Variants in SMC5 observed in about 807,000 individuals in gnomAD.
SMC5 encodes the protein structural maintenance of chromosomes 5.
In SMC5, 88 loss-of-function variants were observed where a neutral mutation model predicts 148.3. That is an observed-to-expected ratio of 0.59 (90% CI 0.50 to 0.71). The LOEUF is 0.71. Ranked by LOEUF, SMC5 falls within the 30% of genes least tolerant of loss-of-function variation. The pLI is 0.00. For synonymous variants in SMC5, 421 were observed against 432.8 expected, an observed-to-expected ratio of 0.97 and a Z score of 0.34; for missense variants, 1,142 against 1,298.9, an observed-to-expected ratio of 0.88 and a Z score of 1.86.
chr9:70,320,456 T>C (rs987195923), intron 15 of SMC5, among the ~76,000 whole-genome samples: 1 of 152,220 alleles, frequency 6.6e-6, no homozygotes, highest in Non-Finnish European at 1.5e-5. Context: ...TGGATGGTTA[T>C]GTCTGTATGG....
chr9:70,269,557 G>A (rs184278795), intron 3 of SMC5, among the ~76,000 whole-genome samples: 13 of 152,130 alleles, frequency 8.5e-5, no homozygotes, highest in African/African-American at 2.9e-4. Context: ...CTCCAGCCTG[G>A]GTGACAGAGT....
intron 8 of SMC5, among the ~76,000 whole-genome samples, chr9:70,291,795 G>A (rs2035066559): frequency 6.6e-6 from 1 of 151,984 alleles, no homozygotes; most frequent in Admixed American, 6.6e-5. Flanking sequence ...ATCAGATAAT[G>A]GCATTTCTCT....
chr9:70,341,448 T>C (rs2036520934), intron 17 of SMC5, among the ~76,000 whole-genome samples: 1 of 152,220 alleles, frequency 6.6e-6, no homozygotes. Context: ...CTGAGTACAA[T>C]GGTCCTTAGC....
intron 11 of SMC5, among the ~76,000 whole-genome samples, chr9:70,314,394 C>T (rs1198762344): frequency 2.0e-5 from 3 of 151,978 alleles, no homozygotes; most frequent in African/African-American, 7.3e-5. Flanking sequence ...AAATTTTGGC[C>T]AGAGTTTACA....
At chr9:70,304,862 T>C (rs2035456295) in intron 10 of SMC5, among the ~76,000 whole-genome samples, 1 of 152,182 alleles carries the variant, frequency 6.6e-6, no homozygotes, top group African/African-American at 2.4e-5. Flanking sequence ...CTATTAGTTA[T>C]TCCATCTGTG....
At chr9:70,321,582 A>G (rs1490994564) in intron 15 of SMC5, among the ~76,000 whole-genome samples, 3 of 151,534 alleles carry the variant, frequency 2.0e-5, no homozygotes, top group African/African-American at 4.9e-5. Flanking sequence ...GGGTCTTGCT[A>G]TGTTGCTGGG....
chr9:70,325,601 T>A (rs1262685092), intron 17 of SMC5, among the ~76,000 whole-genome samples: 1 of 152,108 alleles, frequency 6.6e-6, no homozygotes, highest in Non-Finnish European at 1.5e-5. Flanking sequence ...GAACAAAACT[T>A]CTTACTGAAG....
intron 1 of SMC5, among the ~76,000 whole-genome samples, chr9:70,261,874 C>T (rs2034147263): frequency 6.6e-6 from 1 of 152,166 alleles, no homozygotes; most frequent in Non-Finnish European, 1.5e-5. Context: ...AAAAATATCA[C>T]CTGCTACATT....
intron 1 of SMC5, among the ~76,000 whole-genome samples, chr9:70,263,017 G>A (rs1342453174): frequency 6.6e-6 from 1 of 151,028 alleles, no homozygotes; most frequent in East Asian, 1.9e-4. Context: ...TTGTAATATC[G>A]ATGCGTATTT....
chr9:70,323,331 A>G (rs921680769), intron 15 of SMC5, 152 bp from the exon 16 acceptor site: 1 of 646,868 alleles, frequency 1.5e-6, no homozygotes, highest in Non-Finnish European at 2.4e-6. Context: ...AGCAACAGAA[A>G]CAACTTATAT....
intron 3 of SMC5, among the ~76,000 whole-genome samples, chr9:70,275,228 G>GTTTTGT (rs916401712): frequency 2.0e-5 from 3 of 151,784 alleles, no homozygotes; most frequent in South Asian, 4.2e-4. Flanking sequence ...TTTTTTTGTT[G>GTTTTGT]TTTTGTTTTT....
At chr9:70,277,109 GTAAC>G (rs2034614329) in intron 3 of SMC5, among the ~76,000 whole-genome samples, 197 bp from the exon 4 acceptor site, 1 of 152,248 alleles carries the variant, frequency 6.6e-6, no homozygotes, top group Non-Finnish European at 1.5e-5. Context: ...TGTTGAGTAA[GTAAC>G]TGATGTGGTC....
intron 3 of SMC5, among the ~76,000 whole-genome samples, chr9:70,272,980 G>A (rs540062380): frequency 2.6e-4 from 39 of 152,258 alleles, no homozygotes; most frequent in African/African-American, 9.1e-4. Flanking sequence ...ATTCCCTGAT[G>A]TTTGCTCAAT....
rs2035111135 is a variant in SMC5 at position 70,293,219 on chromosome 9, G to T, written c.1054-4747G>T. On this transcript the variant is annotated intron_variant, in intron 8 of 24. Transcript: ENST00000361138. ...AATCTATTTCATATTAGGTGAATTG[G>T]TCCTTTTGTCCAAGTTGTCAAATTT... is the stretch of plus-strand genomic sequence containing the variant. 1.3e-5 allele frequency among the ~76,000 whole-genome samples: 2 copies of T among 151,896 alleles called. 1 individual carries two copies. Among genetic ancestry groups the T allele is most frequent in the South Asian group, 4.2e-4 (2 of 4,816 alleles).
At chr9:70,277,511 A>G (rs781466644) in intron 4 of SMC5, 39 bp downstream of exon 4, 12 of 1,515,660 alleles carry the variant, frequency 7.9e-6, no homozygotes, top group South Asian at 1.3e-5. Flanking sequence ...AAAATTTTGT[A>G]TATAGTGTTT....
intron 17 of SMC5, among the ~76,000 whole-genome samples, chr9:70,340,086 T>C (rs1221675313): frequency 6.6e-6 from 1 of 152,164 alleles, no homozygotes; most frequent in African/African-American, 2.4e-5. Context: ...TCAAGATGCC[T>C]AGTGTGCTGC....
chr9:70,298,621 T>A (rs1260869317), intron 9 of SMC5, among the ~76,000 whole-genome samples: 1 of 152,078 alleles, frequency 6.6e-6, no homozygotes, highest in East Asian at 1.9e-4. Flanking sequence ...TGTGAATAGA[T>A]CTGTGGTATT....
At chr9:70,277,037 A>G (rs1417116295) in intron 3 of SMC5, among the ~76,000 whole-genome samples, 2 of 152,204 alleles carry the variant, frequency 1.3e-5, no homozygotes, top group African/African-American at 2.4e-5. Flanking sequence ...TGACTCCTCT[A>G]GTAGTGTTTA....
chr9:70,321,235 A>G (rs1319249093), intron 15 of SMC5, among the ~76,000 whole-genome samples: 1 of 152,146 alleles, frequency 6.6e-6, no homozygotes, highest in South Asian at 2.1e-4. Flanking sequence ...GGAGGAGGTT[A>G]TATTGAGTTT....
Sources: allele counts gnomAD v4.1 joint callset (sites outside exome capture counted in the v4.1 genomes callset), GRCh38; gene constraint gnomAD v4.1.1; transcripts MANE v1.5; gene names NCBI Gene and HGNC (gene_info 2026-07-23, HGNC 2026-07-21).